MYO16: variants seen among roughly 807,000 people sequenced by gnomAD.
MYO16 encodes unconventional myosin-XVI.
MYO16 carries 94 observed loss-of-function variants against 205.3 expected under a neutral mutation model. The observed-to-expected ratio is 0.46, with a 90% CI of 0.39 to 0.54. The LOEUF is 0.54. MYO16 is among the 20% of genes least tolerant of loss of function. The pLI is 0.00. For missense variants in MYO16, 2,315 were observed against 2,387.5 expected, an observed-to-expected ratio of 0.97 and a Z score of 0.63; for synonymous variants, 988 against 954.0, an observed-to-expected ratio of 1.04 and a Z score of -0.66.
At chr13:108,831,682 T>C (rs1876631478) in intron 9 of MYO16, among the ~76,000 whole-genome samples, 1 of 152,130 alleles carries the variant, frequency 6.6e-6, no homozygotes, top group Non-Finnish European at 1.5e-5. Context: ...CCAGCTAATT[T>C]TTGTAATTTT....
intron 16 of MYO16, among the ~76,000 whole-genome samples, chr13:108,944,457 A>AC (rs1396124526): frequency 6.6e-6 from 1 of 152,006 alleles, no homozygotes; most frequent in African/African-American, 2.4e-5. Flanking sequence ...TTTAATTTCC[A>AC]CCCCCCACTT....
chr13:108,960,718 T>C (rs1883549833), intron 17 of MYO16, among the ~76,000 whole-genome samples: 1 of 152,234 alleles, frequency 6.6e-6, no homozygotes, highest in Non-Finnish European at 1.5e-5. Flanking sequence ...TCAACCTGTT[T>C]TACTGTTGAT....
chr13:108,720,912 A>G (rs9583284), intron 3 of MYO16, among the ~76,000 whole-genome samples: 4,456 of 152,244 alleles, frequency 0.029, 211 homozygotes, highest in African/African-American at 0.1. Flanking sequence ...ACTGAGTGAT[A>G]GATTTCAGGG....
intron 23 of MYO16, among the ~76,000 whole-genome samples, chr13:109,036,251 C>G (rs1386051288): frequency 6.6e-6 from 1 of 152,112 alleles, no homozygotes. Context: ...GTTCTCTTGC[C>G]TTTGGATTTC....
intron 27 of MYO16, among the ~76,000 whole-genome samples, chr13:109,097,694 T>G (rs895055113): frequency 6.6e-6 from 1 of 152,204 alleles, no homozygotes; most frequent in Non-Finnish European, 1.5e-5. Context: ...CTTTTTCATA[T>G]CCTTGCCTCT....
chr13:108,934,233 T>C (rs1882381728), intron 16 of MYO16, among the ~76,000 whole-genome samples: 2 of 152,208 alleles, frequency 1.3e-5, no homozygotes, highest in African/African-American at 4.8e-5. Context: ...CAAGCCCTTT[T>C]CTCCTCATCC....
chr13:108,691,228 A>T (rs1365714509), intron 2 of MYO16, among the ~76,000 whole-genome samples: 2 of 152,146 alleles, frequency 1.3e-5, no homozygotes, highest in African/African-American at 2.4e-5. Context: ...GGCTCATGAA[A>T]GTGTCTCGGT....
At chr13:108,601,375 A>G (rs531059334) in intron 1 of MYO16, among the ~76,000 whole-genome samples, 1 of 152,150 alleles carries the variant, frequency 6.6e-6, no homozygotes, top group Non-Finnish European at 1.5e-5. Flanking sequence ...AGATATTTTT[A>G]AAAAATGAGA....
intron 3 of MYO16, among the ~76,000 whole-genome samples, chr13:108,725,829 C>T (rs778146016): frequency 6.6e-6 from 1 of 152,180 alleles, no homozygotes; most frequent in African/African-American, 2.4e-5. Context: ...TTTCAAGAGC[C>T]AGCCCTGGTC....
At chr13:108,819,272 A>G (rs893512285) in intron 7 of MYO16, among the ~76,000 whole-genome samples, 3 of 152,214 alleles carry the variant, frequency 2.0e-5, no homozygotes, top group African/African-American at 7.2e-5. Context: ...ATACTATTCC[A>G]TGCAGCCAAA....
intron 4 of MYO16, among the ~76,000 whole-genome samples, chr13:108,781,710 TCA>T (rs3041984): frequency 0.34 from 51,695 of 151,902 alleles, 9,996 homozygotes; most frequent in East Asian, 0.63. Flanking sequence ...GAATTGTATC[TCA>T]CACAGAATTC....
rs1876225815 is a variant in MYO16, at chr13:109,125,908, G to A, written c.3782+550G>A. Among the ~76,000 whole-genome samples the A allele has an allele frequency of 6.6e-6, 1 of 152,174 alleles. No individual in the cohort carries two copies. The highest frequency in any genetic ancestry group is 2.4e-5 in the African/African-American group (1 of 41,418). Reference sequence around the variant, plus strand: ...TTTGTATTTAAAAGTTCACTTTAGAGGCTTAGCTTAAAACAGAAATGTGAC... The same window carrying A: ...TTTGTATTTAAAAGTTCACTTTAGAAGCTTAGCTTAAAACAGAAATGTGAC... On this transcript the variant is annotated intron_variant, in intron 30 of 34. Transcript: ENST00000457511. The surrounding 1 kb of genome is among the most constrained non-coding windows in gnomAD (Gnocchi z 4.0).
chr13:108,959,976 G>GAA (rs112435583), intron 17 of MYO16, among the ~76,000 whole-genome samples: 13,010 of 126,482 alleles, frequency 0.1, 723 homozygotes, highest in Non-Finnish European at 0.15. Flanking sequence ...TGATTTAAAG[G>GAA]AAAAAAAAAA....
chr13:108,522,627 C>T, the MYO16 span, among the ~76,000 whole-genome samples: 1 of 152,208 alleles, frequency 6.6e-6, no homozygotes, highest in Admixed American at 6.5e-5. Context: ...GGGTTGAGTC[C>T]TCCTGAGGGT....
At chr13:108,813,575 A>T (rs890104333) in intron 7 of MYO16, among the ~76,000 whole-genome samples, 2 of 152,206 alleles carry the variant, frequency 1.3e-5, no homozygotes, top group Admixed American at 1.3e-4. Context: ...CCACACTGAA[A>T]TACAACTATT....
At chr13:108,574,932 T>G in the MYO16 span, among the ~76,000 whole-genome samples, 2 of 152,112 alleles carry the variant, frequency 1.3e-5, no homozygotes, top group Non-Finnish European at 2.9e-5. Context: ...TAGTATAAGG[T>G]GTACTGACAC....
the MYO16 span, among the ~76,000 whole-genome samples, chr13:108,587,651 C>A: frequency 2.6e-5 from 4 of 151,924 alleles, no homozygotes; most frequent in African/African-American, 4.8e-5. Context: ...TTTTTGGCAC[C>A]ACTGAGAATA....
intron 22 of MYO16, among the ~76,000 whole-genome samples, chr13:109,013,108 T>TTCCCCCCCC (rs1885665915): frequency 6.1e-5 from 2 of 32,612 alleles, no homozygotes; most frequent in Non-Finnish European, 5.9e-5. Context: ...ATGCTACCCC[T>TTCCCCCCCC]CCCCCACCCC....
chr13:108,944,829 G>A (rs932142250), intron 16 of MYO16, among the ~76,000 whole-genome samples: 2 of 152,138 alleles, frequency 1.3e-5, no homozygotes, highest in Admixed American at 6.5e-5. Context: ...TTTAATGGGT[G>A]TAATTGGTTT....
Sources: allele counts gnomAD v4.1 joint callset (sites outside exome capture counted in the v4.1 genomes callset), GRCh38; gene constraint gnomAD v4.1.1; non-coding constraint Gnocchi (gnomAD v3.1); transcripts MANE v1.5; gene names NCBI Gene and HGNC (gene_info 2026-07-23, HGNC 2026-07-21).